ACTR3: variants seen among roughly 807,000 people sequenced by gnomAD.
The protein encoded by ACTR3 is actin related protein 3, also known as actin-related protein 3.
A neutral mutation model predicts 56.8 loss-of-function variants in ACTR3; 12 were observed. The ratio of observed to expected loss-of-function variants is 0.21; its 90% CI spans 0.14 to 0.34. The LOEUF (loss-of-function observed/expected upper bound fraction) is 0.34, where lower values mean the gene tolerates loss of function less well. Ranked by LOEUF, ACTR3 falls within the 10% of genes least tolerant of loss-of-function variation. The pLI, the probability that ACTR3 is intolerant of heterozygous loss-of-function variation, is 1.00. For synonymous variants in ACTR3, 162 were observed against 167.4 expected (o/e 0.97, Z 0.25); for missense variants, 282 against 512.5 (o/e 0.55, Z 4.34).
At chr2:113,956,631 G>GC (rs1242187551) in intron 11 of ACTR3, among the ~76,000 whole-genome samples, 1 of 152,084 alleles carries the variant, frequency 6.6e-6, no homozygotes, top group African/African-American at 2.4e-5. Flanking sequence ...TGTCTTTAAA[G>GC]CCCCCTAAAA....
intron 1 of ACTR3, among the ~76,000 whole-genome samples, chr2:113,892,966 C>T (rs1278836534): frequency 1.3e-5 from 2 of 152,114 alleles, no homozygotes; most frequent in Admixed American, 6.6e-5. Context: ...AGATTCAGGT[C>T]ATAAAAGAGA....
chr2:113,930,852 T>G (rs1679708421), intron 4 of ACTR3, among the ~76,000 whole-genome samples: 1 of 152,248 alleles, frequency 6.6e-6, no homozygotes. Flanking sequence ...TCGGCTTGTT[T>G]ACTGTAATCC....
intron 1 of ACTR3, among the ~76,000 whole-genome samples, chr2:113,900,106 T>C (rs1234869707): frequency 6.6e-6 from 1 of 152,222 alleles, no homozygotes; most frequent in Non-Finnish European, 1.5e-5. Flanking sequence ...TCACATACTG[T>C]AAAGTTTACT....
intron 6 of ACTR3, among the ~76,000 whole-genome samples, chr2:113,939,030 T>C (rs1422905039): frequency 2.4e-5 from 3 of 125,396 alleles, no homozygotes; most frequent in Non-Finnish European, 3.5e-5. Context: ...TCTTTCTTTC[T>C]TTTTTTTTTT....
At chr2:113,909,621 G>GT (rs202150469) in intron 1 of ACTR3, among the ~76,000 whole-genome samples, 12,436 of 127,612 alleles carry the variant, frequency 0.097, 843 homozygotes, top group African/African-American at 0.19. Context: ...TGTTGTTGTT[G>GT]TTTTTTTTTT....
At position 113,917,116 on chromosome 2, in the gene ACTR3, T is replaced by G. The variant is rs551905318; in HGVS notation, c.225+108T>G. The G allele has an allele frequency of 6.5e-6, 6 of 923,510 alleles. No individual in the cohort carries two copies. In the Admixed American group the frequency reaches 2.1e-4, roughly 32 times the overall value. 57.2% of individuals were successfully genotyped at this position (923,510 alleles called of 1,614,324 possible). A position where few individuals can be genotyped will look rare whatever the true frequency, so the allele number is the denominator to read the frequency against. ...TAGACCTTATTAATATCCTCAAACC[T>G]CTTCTCAGTAGAAATTTCTTTTTCC... On this transcript the variant is annotated intron_variant, in intron 3 of 11. Coordinates refer to ENST00000263238, the MANE Select transcript of ACTR3 (RefSeq NM_005721.5).
chr2:113,951,661 T>C, intron 9 of ACTR3, 59 bp from the exon 10 acceptor site: 1 of 1,467,118 alleles, frequency 6.8e-7, no homozygotes, highest in Non-Finnish European at 9.3e-7. Flanking sequence ...TTCAGTACTA[T>C]ATATTATATC....
chr2:113,945,835 C>G (rs1480607940), intron 8 of ACTR3, among the ~76,000 whole-genome samples: 2 of 152,096 alleles, frequency 1.3e-5, no homozygotes, highest in African/African-American at 2.4e-5. Flanking sequence ...TGTTGTTTCC[C>G]TCCGTATGTA....
chr2:113,914,655 C>T (rs540885374), intron 2 of ACTR3, among the ~76,000 whole-genome samples: 2 of 147,652 alleles, frequency 1.4e-5, no homozygotes, highest in East Asian at 2.0e-4. Context: ...AAAAGAAATA[C>T]ACTTTCAAAA....
intron 1 of ACTR3, among the ~76,000 whole-genome samples, chr2:113,892,626 A>G (rs1457486089): frequency 6.6e-6 from 1 of 152,232 alleles, no homozygotes; most frequent in Non-Finnish European, 1.5e-5. Context: ...TGGCCTTAAC[A>G]GGGAGCTTTT....
At chr2:113,955,400 T>C (rs974057) in intron 10 of ACTR3, 322,628 of 382,028 alleles carry the variant, frequency 0.84, 136,979 homozygotes, top group African/African-American at 0.9. Flanking sequence ...GTGCTCATTG[T>C]TATTTCCCTT....
intron 6 of ACTR3, among the ~76,000 whole-genome samples, chr2:113,939,161 C>T (rs1679881149): frequency 6.6e-6 from 1 of 151,596 alleles, no homozygotes. Flanking sequence ...GTAGCTGGGA[C>T]TACAGGCGCG....
intron 1 of ACTR3, among the ~76,000 whole-genome samples, chr2:113,895,799 C>A (rs530064737): frequency 6.6e-6 from 1 of 152,310 alleles, no homozygotes; most frequent in East Asian, 1.9e-4. Context: ...TTATACACTT[C>A]AACCTCTGCA....
rs771142546 is a variant in ACTR3, at chr2:113,960,791, A to C, written c.*3336A>C. On this transcript the variant is annotated 3_prime_UTR_variant, in exon 12 of 12. Transcript: ENST00000263238. ...AAGTCTGTTACCACCCAGATTTCCA[A>C]CTCGGGTTAATTGGTACTAATTCTA... The C allele has an allele frequency of 1.3e-5, 2 of 152,048 alleles. No individual in the cohort carries two copies. Among genetic ancestry groups the C allele is most frequent in the East Asian group, 3.9e-4 (2 of 5,178 alleles). 9.4% of individuals were successfully genotyped at this position (152,048 alleles called of 1,614,324 possible).
intron 1 of ACTR3, chr2:113,890,602 CGGTG>C: frequency 7.6e-7 from 1 of 1,321,986 alleles, no homozygotes; most frequent in Admixed American, 3.7e-5. Flanking sequence ...TCCCCCACTA[CGGTG>C]GGCAGCGCCG....
At chr2:113,900,425 T>C (rs1409766350) in intron 1 of ACTR3, among the ~76,000 whole-genome samples, 8 of 152,224 alleles carry the variant, frequency 5.3e-5, no homozygotes, top group African/African-American at 1.9e-4. Context: ...GGGCAAGTGC[T>C]GACTGCTGTA....
intron 6 of ACTR3, among the ~76,000 whole-genome samples, chr2:113,934,855 C>A (rs909500242): frequency 3.9e-5 from 6 of 151,992 alleles, no homozygotes; most frequent in African/African-American, 1.2e-4. Flanking sequence ...TCTTCCAAGG[C>A]CGTTGTGCTT....
intron 8 of ACTR3, among the ~76,000 whole-genome samples, chr2:113,947,668 C>G (rs903420668): frequency 1.3e-5 from 2 of 151,968 alleles, no homozygotes; most frequent in African/African-American, 4.8e-5. Flanking sequence ...ATAAATAACC[C>G]AAAGCTTTAG....
At chr2:113,917,441 C>G (rs1305587171) in intron 3 of ACTR3, among the ~76,000 whole-genome samples, 1 of 151,990 alleles carries the variant, frequency 6.6e-6, no homozygotes, top group African/African-American at 2.4e-5. Flanking sequence ...TTCCCTCCCT[C>G]TTTTAATTGA....
Sources: allele counts gnomAD v4.1 joint callset (sites outside exome capture counted in the v4.1 genomes callset), GRCh38; gene constraint gnomAD v4.1.1; transcripts MANE v1.5; gene names NCBI Gene and HGNC (gene_info 2026-07-23, HGNC 2026-07-21).